The following NUBPL variants were observed in gnomAD, a reference collection of about 807,000 sequenced individuals.
NUBPL encodes the protein iron-sulfur cluster transfer protein NUBPL.
NUBPL carries 31 observed loss-of-function variants against 45.7 expected under a neutral mutation model. That is an observed-to-expected ratio of 0.68 (90% CI 0.51 to 0.92). NUBPL has a LOEUF of 0.92. NUBPL is among the 40% of genes least tolerant of loss of function. The pLI is 0.00. For synonymous variants in NUBPL, 144 were observed against 140.9 expected, an observed-to-expected ratio of 1.02 and a Z score of -0.15; for missense variants, 401 against 398.7, an observed-to-expected ratio of 1.01 and a Z score of -0.05.
At chr14:31,770,518 A>G (rs1333613414) in intron 6 of NUBPL, among the ~76,000 whole-genome samples, 3 of 152,216 alleles carry the variant, frequency 2.0e-5, no homozygotes, top group Admixed American at 2.0e-4. Context: ...AGGTTCTACA[A>G]TAGCGATGTT....
At chr14:31,691,164 A>G (rs1480568826) in intron 6 of NUBPL, among the ~76,000 whole-genome samples, 1 of 152,182 alleles carries the variant, frequency 6.6e-6, no homozygotes, top group Non-Finnish European at 1.5e-5. Flanking sequence ...TGCCACCCCT[A>G]AGACAGCAAG....
At chr14:31,654,815 C>T (rs66753375) in intron 4 of NUBPL, among the ~76,000 whole-genome samples, 43,847 of 152,052 alleles carry the variant, frequency 0.29, 7,366 homozygotes, top group South Asian at 0.41. Context: ...ATAGCAGTTA[C>T]CCACAGTAGA....
At chr14:31,594,837 C>T (rs2034240549) in intron 3 of NUBPL, among the ~76,000 whole-genome samples, 1 of 152,114 alleles carries the variant, frequency 6.6e-6, no homozygotes, top group Non-Finnish European at 1.5e-5. Flanking sequence ...ATTGAATAAA[C>T]ACCAACTGCC....
At chr14:31,584,503 G>A (rs533280376) in intron 3 of NUBPL, among the ~76,000 whole-genome samples, 1 of 152,230 alleles carries the variant, frequency 6.6e-6, no homozygotes, top group South Asian at 2.1e-4. Context: ...GTACAATTCA[G>A]TGGCTTTTAG....
At chr14:31,779,185 T>G (rs1276509245) in intron 6 of NUBPL, among the ~76,000 whole-genome samples, 1 of 151,800 alleles carries the variant, frequency 6.6e-6, no homozygotes, top group Admixed American at 6.6e-5. Flanking sequence ...CTACTAACAT[T>G]ACAAAATTAG....
intron 4 of NUBPL, among the ~76,000 whole-genome samples, chr14:31,669,544 T>C (rs994275410): frequency 2.0e-5 from 3 of 152,108 alleles, no homozygotes; most frequent in African/African-American, 7.2e-5. Flanking sequence ...CAGGGGTTTG[T>C]TGTACATATT....
chr14:31,732,607 C>A (rs1464077936), intron 6 of NUBPL, among the ~76,000 whole-genome samples: 2 of 78,076 alleles, frequency 2.6e-5, no homozygotes, highest in Non-Finnish European at 5.1e-5. Flanking sequence ...TCAATTTGTT[C>A]TCTTTTTTTT....
At position 31,798,303 on chromosome 14, in the gene NUBPL, G is replaced by GTTTTTTTTT. The variant is rs71115031; in HGVS notation, c.607+10440_607+10448dup. ...CTTTCATTTTAGGTATTTATTTATG[G>GTTTTTTTTT]TTTTTTTTTTTTTTTTTTGCTGTGC... On this transcript the variant is annotated intron_variant, in intron 7 of 10. Coordinates refer to ENST00000281081, the MANE Select transcript of NUBPL (RefSeq NM_025152.3). Among the ~76,000 whole-genome samples, 3 of 107,260 alleles carry GTTTTTTTTT rather than the reference G, an allele frequency of 2.8e-5. 1 individual carries two copies. The highest frequency in any genetic ancestry group is 1.7e-5 in the Non-Finnish European group (1 of 58,000). The allele number at this position is 107,260 out of a possible 152,430, so 70.4% of individuals were successfully genotyped here.
At chr14:31,820,571 C>G (rs369332465) in intron 7 of NUBPL, among the ~76,000 whole-genome samples, 38 of 152,120 alleles carry the variant, frequency 2.5e-4, no homozygotes, top group Non-Finnish European at 4.7e-4. Flanking sequence ...CGCCTGTAAT[C>G]CCAGCACATT....
At position 31,694,808 on chromosome 14, in the gene NUBPL, G is replaced by A. The variant is rs147113066; in HGVS notation, c.513+21234G>A. On this transcript the variant is annotated intron_variant, in intron 6 of 10. Transcript: ENST00000281081. ...GGATTACAGGCGTGAGCCTCTGCAC[G>A]CAGCCAGCAACAGACATTTATTGGC... Among the ~76,000 whole-genome samples the A allele has an allele frequency of 2.1e-3, 323 of 152,284 alleles. 1 individual carries two copies. The highest frequency in any genetic ancestry group is 7.4e-3 in the African/African-American group (308 of 41,566).
At chr14:31,712,732 G>T (rs1047822824) in intron 6 of NUBPL, among the ~76,000 whole-genome samples, 8 of 152,342 alleles carry the variant, frequency 5.3e-5, no homozygotes, top group African/African-American at 1.9e-4. Context: ...GGGTCCTGTG[G>T]CTCTCTGCAC....
intron 6 of NUBPL, among the ~76,000 whole-genome samples, chr14:31,739,618 C>T (rs80141569): frequency 6.6e-6 from 1 of 152,154 alleles, no homozygotes; most frequent in African/African-American, 2.4e-5. Flanking sequence ...CATCCTCCAC[C>T]AGAGTGGTCT....
At chr14:31,664,563 C>G (rs750887830) in intron 4 of NUBPL, among the ~76,000 whole-genome samples, 11 of 152,132 alleles carry the variant, frequency 7.2e-5, no homozygotes, top group Admixed American at 3.9e-4. Flanking sequence ...GTTGAACCAG[C>G]CTTGCATCCC....
At chr14:31,564,991 A>T (rs779657330) in intron 2 of NUBPL, 23 bp from the exon 3 acceptor site, 10 of 1,433,764 alleles carry the variant, frequency 7.0e-6, no homozygotes, top group Non-Finnish European at 9.7e-6. Flanking sequence ...ACTAAATTCA[A>T]TTACTTTTTT....
intron 4 of NUBPL, among the ~76,000 whole-genome samples, chr14:31,616,330 C>A (rs868192411): frequency 6.6e-6 from 1 of 152,022 alleles, no homozygotes; most frequent in South Asian, 2.1e-4. Flanking sequence ...GTGTTTTAGT[C>A]ATGAAGTCTT....
intron 6 of NUBPL, among the ~76,000 whole-genome samples, chr14:31,748,523 C>T (rs2038449951): frequency 6.6e-6 from 1 of 150,850 alleles, no homozygotes; most frequent in African/African-American, 2.5e-5. Context: ...CCTCTTCCTG[C>T]ATTGATTCCT....
chr14:31,699,327 T>C (rs2037283385), intron 6 of NUBPL, among the ~76,000 whole-genome samples: 1 of 152,372 alleles, frequency 6.6e-6, no homozygotes. Context: ...AATTGATATA[T>C]TATCCCTAGA....
intron 8 of NUBPL, among the ~76,000 whole-genome samples, chr14:31,826,999 G>A (rs1261344021): frequency 6.6e-6 from 1 of 152,084 alleles, no homozygotes; most frequent in Admixed American, 6.5e-5. Context: ...AATTACAAGA[G>A]TGTTTTAGGA....
chr14:31,655,158 C>T (rs1214796800), intron 4 of NUBPL, among the ~76,000 whole-genome samples: 1 of 152,180 alleles, frequency 6.6e-6, no homozygotes, highest in Non-Finnish European at 1.5e-5. Flanking sequence ...CATGAATGTT[C>T]TTAATGACAT....
Sources: allele counts gnomAD v4.1 joint callset (sites outside exome capture counted in the v4.1 genomes callset), GRCh38; gene constraint gnomAD v4.1.1; transcripts MANE v1.5; gene names NCBI Gene and HGNC (gene_info 2026-07-23, HGNC 2026-07-21).